ARHGAP23: variants seen among roughly 807,000 people sequenced by gnomAD.
ARHGAP23 encodes the protein rho GTPase-activating protein 23.
Under a neutral mutation model 136.3 loss-of-function variants are expected in ARHGAP23, and 34 were observed. The observed-to-expected ratio is 0.25, with a 90% CI of 0.19 to 0.33. ARHGAP23 has a LOEUF of 0.33. ARHGAP23 is among the 10% of genes least tolerant of loss of function. The pLI is 1.00. For missense variants in ARHGAP23, 1,808 were observed against 2,139.0 expected, an observed-to-expected ratio of 0.85 and a Z score of 3.05; for synonymous variants, 832 against 920.5, an observed-to-expected ratio of 0.90 and a Z score of 1.74.
intron 1 of ARHGAP23, among the ~76,000 whole-genome samples, chr17:38,441,663 A>G (rs1406717696): frequency 1.3e-5 from 2 of 152,236 alleles, no homozygotes; most frequent in Non-Finnish European, 2.9e-5. Context: ...ACCATGGCAG[A>G]TTCCTTAGCT....
rs746875725 is a variant in ARHGAP23 at position 38,489,981 on chromosome 17, C to T, written c.2987-121C>T. On this transcript the variant is annotated intron_variant, in intron 17 of 23. Coordinates refer to ENST00000622683, the MANE Select transcript of ARHGAP23 (RefSeq NM_001199417.2). ...GTTCACATACACAAGAGGCTGTCGC[C>T]CACGCTGGAGCCCCCGAACTGGAGG... The T allele has an allele frequency of 2.7e-5, 24 of 881,334 alleles. No homozygotes were observed. In the South Asian group the frequency reaches 3.6e-4, roughly 13 times the overall value. The allele number at this position is 881,334 out of a possible 1,614,324, so 54.6% of individuals were successfully genotyped here.
At chr17:38,464,814 G>T (rs2039544991) in intron 6 of ARHGAP23, among the ~76,000 whole-genome samples, 1 of 152,176 alleles carries the variant, frequency 6.6e-6, no homozygotes, top group Non-Finnish European at 1.5e-5. Flanking sequence ...GCATCTGGGG[G>T]CCTCCACTGG....
chr17:38,481,450 G>A lies in ARHGAP23; in HGVS notation c.2630-572G>A, dbSNP rs368913498. The stretch of plus-strand genomic sequence containing the variant: ...GCGTAAGCCACCGCGCCCGGCCCAC[G>A]CCCGGCTAATTTTTGTATGTTTAGT... On this transcript the variant is annotated intron_variant, in intron 14 of 23. Transcript: ENST00000622683. 5.3e-3 allele frequency among the ~76,000 whole-genome samples: 806 copies of A among 152,276 alleles called. 5 individuals are homozygous for A. Among genetic ancestry groups the A allele is most frequent in the African/African-American group, 0.019 (769 of 41,566 alleles).
At chr17:38,450,130 G>A (rs1204916624) in intron 1 of ARHGAP23, among the ~76,000 whole-genome samples, 1 of 152,180 alleles carries the variant, frequency 6.6e-6, no homozygotes, top group Non-Finnish European at 1.5e-5. Context: ...TGGTTTGTGG[G>A]GGTCTCCCTT....
At chr17:38,508,951 G>A (rs1166697049) in intron 23 of ARHGAP23, among the ~76,000 whole-genome samples, 1 of 149,890 alleles carries the variant, frequency 6.7e-6, no homozygotes, top group Non-Finnish European at 1.5e-5. Flanking sequence ...CTTGGGAATG[G>A]TATTTTCTAG....
chr17:38,455,436 A>T (rs995364350), intron 1 of ARHGAP23, among the ~76,000 whole-genome samples: 10 of 152,086 alleles, frequency 6.6e-5, no homozygotes, highest in Non-Finnish European at 1.0e-4. Flanking sequence ...GTGCTTGGTG[A>T]GGAGGGGACC....
intron 20 of ARHGAP23, among the ~76,000 whole-genome samples, chr17:38,497,257 G>A (rs1179400992): frequency 6.6e-6 from 1 of 152,146 alleles, no homozygotes; most frequent in African/African-American, 2.4e-5. Flanking sequence ...CTGCCCCTCA[G>A]GAAACCTCCA....
At chr17:38,505,215 G>A (rs940196245) in intron 23 of ARHGAP23, among the ~76,000 whole-genome samples, 5 of 151,446 alleles carry the variant, frequency 3.3e-5, no homozygotes, top group South Asian at 4.2e-4. Flanking sequence ...GCTTCTTTGC[G>A]TAGGCTGTTC....
intron 18 of ARHGAP23, 85 bp downstream of exon 18, chr17:38,490,260 C>T: frequency 7.3e-7 from 1 of 1,371,766 alleles, no homozygotes; most frequent in South Asian, 1.2e-5. Flanking sequence ...TCCGGTGCTG[C>T]CCACGACCCC....
In ARHGAP23 at chr17:38,477,526, C is replaced by A; in HGVS notation, c.2119-53C>A. 1.7e-6 allele frequency: 2 copies of A among 1,207,088 alleles called. No individual in the cohort carries two copies. Among genetic ancestry groups the A allele is most frequent in the Non-Finnish European group, 2.1e-6 (2 of 966,810 alleles). 74.8% of individuals were successfully genotyped at this position (1,207,088 alleles called of 1,614,324 possible). On this transcript the variant is annotated intron_variant, in intron 11 of 23. Transcript: ENST00000622683. The surrounding 1 kb of genome is among the most constrained non-coding windows in gnomAD (Gnocchi z 6.6). Reference sequence around the variant, plus strand: ...TGTCTGCTACTCTGAGAGCAGTGGGCAAAACTGGCCTCTCACCATTCCTGT... The same window carrying A: ...TGTCTGCTACTCTGAGAGCAGTGGGAAAAACTGGCCTCTCACCATTCCTGT...
upstream of ARHGAP23, chr17:38,428,309 G>C (rs779745972): frequency 6.5e-5 from 17 of 262,934 alleles, no homozygotes; most frequent in Non-Finnish European, 1.1e-4. Context: ...GAGCGAGGCC[G>C]CCGGGGCACC....
At chr17:38,478,117 T>G (rs886618371) in intron 12 of ARHGAP23, among the ~76,000 whole-genome samples, 3 of 152,172 alleles carry the variant, frequency 2.0e-5, no homozygotes, top group Non-Finnish European at 4.4e-5. Flanking sequence ...GGACCGGCAG[T>G]CACCATCCTG....
Position 38,467,068 on chromosome 17 carries a change from C to T in ARHGAP23, c.1385C>T (p.Ala462Val), listed in dbSNP as rs1385391592. Reference protein sequence around the residue: ...AQSPASFPPEASEPPRVVRPE... With the variant: ...AQSPASFPPEVSEPPRVVRPE... ...TCCCCTGCGTCATTCCCACCAGAGG[C>T]CTCCGAGCCACCCAGGGTTGTACGG... The change falls in exon 7 of 24, where the codon GCC (alanine) becomes GTC (valine). Residue 462 changes from alanine to valine, a missense_variant. This residue lies in a region of ARHGAP23 where 859 missense variants were observed against 936.4 expected (regional missense o/e 0.92). Transcript: ENST00000622683. 1.9e-6 allele frequency: 3 copies of T among 1,550,878 alleles called. No individual in the cohort carries two copies. The highest frequency in any genetic ancestry group is 2.6e-6 in the Non-Finnish European group (3 of 1,146,970).
intron 3 of ARHGAP23, 38 bp downstream of exon 3, chr17:38,460,970 C>G: frequency 6.5e-7 from 1 of 1,533,948 alleles, no homozygotes; most frequent in South Asian, 1.2e-5. Context: ...CTGCACGGGA[C>G]TCCTCTTCCA....
At chr17:38,467,806 G>A (rs1162643592) in intron 7 of ARHGAP23, among the ~76,000 whole-genome samples, 1 of 150,842 alleles carries the variant, frequency 6.6e-6, no homozygotes, top group African/African-American at 2.4e-5. Context: ...TCTTTCCTTT[G>A]ACTCTTCCTT....
At chr17:38,482,707 A>G (rs2303992) in intron 16 of ARHGAP23, 29 bp downstream of exon 16, 1,436,301 of 1,533,456 alleles carry the variant, frequency 0.94, 673,001 homozygotes, top group Admixed American at 0.96. Context: ...TCTGTGGAAG[A>G]GGGGCTGAGA....
chr17:38,426,564 A>AAAAAAAAAAAAAAAAAAAAAAT, upstream of ARHGAP23, among the ~76,000 whole-genome samples: 1 of 150,730 alleles, frequency 6.6e-6, no homozygotes, highest in African/African-American at 2.4e-5. Flanking sequence ...AAAAAAAAAA[A>AAAAAAAAAAAAAAAAAAAAAAT]AAAAAAAATC....
At chr17:38,429,737 A>G in intron 1 of ARHGAP23, among the ~76,000 whole-genome samples, 1 of 152,084 alleles carries the variant, frequency 6.6e-6, no homozygotes, top group South Asian at 2.1e-4. Flanking sequence ...TCATGAATCC[A>G]AGCATGAGTC....
chr17:38,471,680 A>G (rs1308516193), intron 10 of ARHGAP23, among the ~76,000 whole-genome samples, 183 bp from the exon 11 acceptor site: 1 of 152,148 alleles, frequency 6.6e-6, no homozygotes, highest in Admixed American at 6.5e-5. Flanking sequence ...TCCTTTATGT[A>G]CGTCTCATGA....
Sources: gnomAD v4.1 joint callset for allele counts (sites outside exome capture counted in the v4.1 genomes callset) on GRCh38, gnomAD v4.1.1 for gene constraint, gnomAD v4.1.1 regional missense constraint, Gnocchi (gnomAD v3.1) non-coding constraint, MANE v1.5 for transcripts, NCBI Gene and HGNC (gene_info 2026-07-23, HGNC 2026-07-21) for gene names.